AOAH: variants seen among roughly 807,000 people sequenced by gnomAD.
AOAH encodes the protein acyloxyacyl hydrolase (neutrophil).
A neutral mutation model predicts 92.2 loss-of-function variants in AOAH; 64 were observed. The ratio of observed to expected loss-of-function variants is 0.69; its 90% CI spans 0.57 to 0.86. The LOEUF (loss-of-function observed/expected upper bound fraction) is 0.86. AOAH is among the 40% of genes least tolerant of loss of function. The pLI, the probability that AOAH is intolerant of heterozygous loss-of-function variation, is 0.00. For missense variants in AOAH, 656 were observed against 694.6 expected (o/e 0.94, Z 0.62); for synonymous variants, 263 against 254.5 (o/e 1.03, Z -0.32).
chr7:36,553,347 T>C (rs1786427654), intron 13 of AOAH, among the ~76,000 whole-genome samples: 1 of 152,068 alleles, frequency 6.6e-6, no homozygotes, highest in South Asian at 2.1e-4. Context: ...TAGTATTCCA[T>C]GGTGTATATG....
intron 13 of AOAH, chr7:36,549,969 T>A (rs950701880): frequency 6.4e-6 from 1 of 156,224 alleles, no homozygotes; most frequent in Admixed American, 6.5e-5. Context: ...AACACAAGGT[T>A]CAGATTGTAG....
At position 36,532,085 on chromosome 7, in the gene AOAH, C is replaced by G; in HGVS notation, c.1425+62G>C. The G allele has an allele frequency of 1.9e-6, 3 of 1,590,810 alleles. No homozygotes were observed. The South Asian group carries it at 3.3e-5, about 18-fold the overall frequency. On this transcript the variant is annotated intron_variant, in intron 18 of 20. Transcript: ENST00000617537. ...CAGGATCCCATCCCCAGTGAAAACTCTGCAGCAAACACAGGGAAAGAATGA... is the reference window on the plus strand; with the variant it reads ...CAGGATCCCATCCCCAGTGAAAACTGTGCAGCAAACACAGGGAAAGAATGA...
chr7:36,610,532 A>G (rs1791385055), intron 11 of AOAH, among the ~76,000 whole-genome samples: 1 of 151,690 alleles, frequency 6.6e-6, no homozygotes, highest in Admixed American at 6.6e-5. Flanking sequence ...AATATTAAAG[A>G]ATATTTCAAA....
intron 12 of AOAH, 76 bp downstream of exon 12, chr7:36,594,263 T>G (rs554368171): frequency 8.4e-7 from 1 of 1,185,034 alleles, no homozygotes; most frequent in East Asian, 2.3e-5. Context: ...TTCAACATCT[T>G]GGTAGCAACC....
chr7:36,524,009 G>T (rs1784252835), intron 19 of AOAH, among the ~76,000 whole-genome samples: 1 of 151,968 alleles, frequency 6.6e-6, no homozygotes, highest in African/African-American at 2.4e-5. Context: ...ATGCAGAAAG[G>T]CCCGGGCCAG....
At chr7:36,701,317 C>T (rs1798018286) in intron 1 of AOAH, among the ~76,000 whole-genome samples, 1 of 151,782 alleles carries the variant, frequency 6.6e-6, no homozygotes, top group African/African-American at 2.4e-5. Flanking sequence ...TTATTCAGGT[C>T]TTCTGTATCT....
At chr7:36,663,416 A>G (rs1346709933) in intron 3 of AOAH, among the ~76,000 whole-genome samples, 1 of 152,206 alleles carries the variant, frequency 6.6e-6, no homozygotes, top group Non-Finnish European at 1.5e-5. Context: ...CCATTACAGT[A>G]TCATACAGAT....
Position 36,724,036 on chromosome 7 carries a change from C to G in AOAH, c.113G>C (p.Gly38Ala), listed in dbSNP as rs2117064418. The G allele has an allele frequency of 1.2e-6, 2 of 1,613,458 alleles. No homozygotes were observed. The highest frequency in any genetic ancestry group is 1.7e-6 in the Non-Finnish European group (2 of 1,179,674). ...DDQSRPSLSN[G>A]HTCVGCVLVV... ...TATTTGCATACCTACACAGGTGTGC[C>G]CATTCGAGAGGCTGGGCCTGGACTG... The change falls in exon 1 of 21, where the codon GGG (glycine) becomes GCG (alanine). Residue 38 changes from glycine (G) to alanine (A), a missense_variant. Coordinates refer to ENST00000617537, the MANE Select transcript of AOAH (RefSeq NM_001637.4).
chr7:36,526,078 C>A (rs1427834476), intron 19 of AOAH, among the ~76,000 whole-genome samples: 6 of 152,206 alleles, frequency 3.9e-5, no homozygotes, highest in Non-Finnish European at 8.8e-5. Flanking sequence ...TAACACATTC[C>A]TGCCTGCTAG....
intron 2 of AOAH, among the ~76,000 whole-genome samples, chr7:36,677,313 A>C (rs1796311342): frequency 6.6e-6 from 1 of 152,240 alleles, no homozygotes; most frequent in South Asian, 2.1e-4. Flanking sequence ...AGATATACCA[A>C]TGTCCAAAAG....
rs571227801 is a variant in AOAH at position 36,557,390 on chromosome 7, C to G, written c.1022-7915G>C. Among the ~76,000 whole-genome samples, 18 of 152,268 alleles carry G rather than the reference C, an allele frequency of 1.2e-4. No individual in the cohort carries two copies. The East Asian group carries it at 3.1e-3, about 26-fold the overall frequency. On this transcript the variant is annotated intron_variant, in intron 13 of 20. Transcript: ENST00000617537. ...GATGTGCTTCTCTTTGTGGGTAACCCGACCTTTCTCTCTGGCTGCCCTTAA... is the reference window on the plus strand; with the variant it reads ...GATGTGCTTCTCTTTGTGGGTAACCGGACCTTTCTCTCTGGCTGCCCTTAA...
chr7:36,532,092 A>G, intron 18 of AOAH, 55 bp downstream of exon 18: 1 of 1,599,288 alleles, frequency 6.3e-7, no homozygotes, highest in African/African-American at 1.3e-5. Flanking sequence ...ACTCTGCAGC[A>G]AACACAGGGA....
At chr7:36,548,847 A>C (rs1456002670) in intron 14 of AOAH, among the ~76,000 whole-genome samples, 161 bp from the exon 15 acceptor site, 3 of 152,064 alleles carry the variant, frequency 2.0e-5, no homozygotes, top group Non-Finnish European at 4.4e-5. Context: ...CACCATTCCC[A>C]TCTCCCATTT....
intron 12 of AOAH, among the ~76,000 whole-genome samples, chr7:36,584,484 T>C (rs1789163131): frequency 6.6e-6 from 1 of 152,236 alleles, no homozygotes; most frequent in Non-Finnish European, 1.5e-5. Context: ...TGACTTATCA[T>C]TAGCCAAATT....
At chr7:36,571,238 C>T in intron 13 of AOAH, among the ~76,000 whole-genome samples, 1 of 152,136 alleles carries the variant, frequency 6.6e-6, no homozygotes, top group Non-Finnish European at 1.5e-5. Flanking sequence ...TCCACTTTTG[C>T]CCCCCTGGGT....
At chr7:36,557,804 C>T (rs1210403147) in intron 13 of AOAH, among the ~76,000 whole-genome samples, 1 of 152,068 alleles carries the variant, frequency 6.6e-6, no homozygotes, top group Non-Finnish European at 1.5e-5. Context: ...GCATTCTTCA[C>T]GTAGTTCTCG....
intron 11 of AOAH, among the ~76,000 whole-genome samples, chr7:36,612,622 A>G (rs1791545216): frequency 6.6e-6 from 1 of 152,238 alleles, no homozygotes; most frequent in Non-Finnish European, 1.5e-5. Flanking sequence ...AAAAATCACA[A>G]ATATTTTAAT....
rs374333301 is a variant in AOAH, at chr7:36,580,279, C to A, written c.939-3623G>T. 4.1e-4 allele frequency among the ~76,000 whole-genome samples: 63 copies of A among 152,182 alleles called. No individual in the cohort carries two copies. The South Asian group carries it at 0.012, about 30-fold the overall frequency. On this transcript the variant is annotated intron_variant, in intron 12 of 20. Coordinates refer to ENST00000617537, the MANE Select transcript of AOAH (RefSeq NM_001637.4). The stretch of plus-strand genomic sequence containing the variant: ...TCTGTCCTATTTTCATGTCATGGAC[C>A]TTTTTCTCCATTTTCTGGATAATAT...
intron 5 of AOAH, 71 bp from the exon 6 acceptor site, chr7:36,632,177 C>T: frequency 1.5e-6 from 2 of 1,302,836 alleles, no homozygotes; most frequent in Non-Finnish European, 2.1e-6. Flanking sequence ...TCTAAAGGCC[C>T]CTCTGAACTT....
Sources: allele counts gnomAD v4.1 joint callset (sites outside exome capture counted in the v4.1 genomes callset), GRCh38; gene constraint gnomAD v4.1.1; transcripts MANE v1.5; gene names NCBI Gene and HGNC (gene_info 2026-07-23, HGNC 2026-07-21).